HDAC4: variants seen among roughly 807,000 people sequenced by gnomAD.
HDAC4 encodes the protein histone deacetylase A.
Under a neutral mutation model 135.1 loss-of-function variants are expected in HDAC4, and 16 were observed. The ratio of observed to expected loss-of-function variants is 0.12; its 90% confidence interval spans 0.08 to 0.18. The LOEUF (loss-of-function observed/expected upper bound fraction) is 0.18, where lower values mean the gene tolerates loss of function less well. Among genes scored for constraint, HDAC4 ranks in the 10% least tolerant of loss-of-function variants. The pLI, the probability that HDAC4 is intolerant of heterozygous loss-of-function variation, is 1.00. For missense variants in HDAC4, 1,143 were observed against 1,511.8 expected (o/e 0.76, Z 4.05); for synonymous variants, 685 against 653.4 (o/e 1.05, Z -0.74).
At chr2:239,250,809 CACG>C (rs2048743321) in intron 2 of HDAC4, among the ~76,000 whole-genome samples, 1 of 152,188 alleles carries the variant, frequency 6.6e-6, no homozygotes, top group African/African-American at 2.4e-5. Flanking sequence ...AGCGAAGGGG[CACG>C]ACAGTGGACT....
intron 2 of HDAC4, among the ~76,000 whole-genome samples, chr2:239,315,106 C>G (rs924466602): frequency 3.9e-5 from 6 of 152,208 alleles, no homozygotes; most frequent in Non-Finnish European, 7.3e-5. Context: ...GATAATAACT[C>G]TTTCAACCAA....
chr2:239,227,399 A>C (rs2047302528), intron 3 of HDAC4, among the ~76,000 whole-genome samples: 2 of 152,152 alleles, frequency 1.3e-5, no homozygotes, highest in Admixed American at 1.3e-4. Flanking sequence ...GTGAGGTCAC[A>C]GGGGCTAAGC....
intron 2 of HDAC4, among the ~76,000 whole-genome samples, chr2:239,292,702 C>A (rs60605225): frequency 6.6e-6 from 1 of 151,950 alleles, no homozygotes; most frequent in East Asian, 1.9e-4. Context: ...GAGGCTGGGT[C>A]GAGAGGATAC....
rs2041239481 is a variant in HDAC4, at chr2:239,139,853, T to C, written c.866-57A>G. The C allele has an allele frequency of 1.3e-6, 2 of 1,485,968 alleles. No individual in the cohort carries two copies. Among genetic ancestry groups the C allele is most frequent in the African/African-American group, 2.8e-5 (2 of 72,432 alleles). 92.0% of individuals were successfully genotyped at this position (1,485,968 alleles called of 1,614,324 possible). A position where few individuals can be genotyped will look rare whatever the true frequency, so the allele number is the denominator to read the frequency against. ...ACTCCATGCGGAGGGAGGGCCGTGCTGACCTGTGGCCCGAATGCCCGGTGC... is the reference window on the plus strand; with the variant it reads ...ACTCCATGCGGAGGGAGGGCCGTGCCGACCTGTGGCCCGAATGCCCGGTGC... On this transcript the variant is annotated intron_variant, in intron 8 of 26. Transcript: ENST00000543185. The surrounding 1 kb of genome is among the most constrained non-coding windows in gnomAD (Gnocchi z 5.3).
chr2:239,217,734 T>A (rs979844463), intron 3 of HDAC4, among the ~76,000 whole-genome samples: 3 of 151,716 alleles, frequency 2.0e-5, no homozygotes, highest in Non-Finnish European at 4.4e-5. Flanking sequence ...CCAGACCAAA[T>A]AAAAGGTAAG....
intron 1 of HDAC4, among the ~76,000 whole-genome samples, chr2:239,387,600 C>G (rs139252482): frequency 1.4e-4 from 21 of 152,348 alleles, no homozygotes; most frequent in African/African-American, 5.0e-4. Flanking sequence ...CCTTGTGCCC[C>G]AGCTGACAGG....
rs1292428823 is a variant in HDAC4 at position 239,331,822 on chromosome 2, C to G, written c.22+20856G>C. Among the ~76,000 whole-genome samples, 1 of 152,138 alleles carries G rather than the reference C, an allele frequency of 6.6e-6. No individual in the cohort carries two copies. Among genetic ancestry groups the G allele is most frequent in the Non-Finnish European group, 1.5e-5 (1 of 68,030 alleles). On this transcript the variant is annotated intron_variant, in intron 2 of 26. Transcript: ENST00000543185. The surrounding 1 kb of genome is among the most constrained non-coding windows in gnomAD (Gnocchi z 4.5). ...AAGAGGGCACACTCGGCCCGCGTGT[C>G]CTCCAGAGGCTGAGGAGCGGAGCAG...
intron 22 of HDAC4, among the ~76,000 whole-genome samples, chr2:239,075,388 C>T (rs1436665384): frequency 6.6e-6 from 1 of 152,042 alleles, no homozygotes; most frequent in Non-Finnish European, 1.5e-5. Flanking sequence ...GGTGGGCTCG[C>T]AGTTTCCCAA....
intron 5 of HDAC4, among the ~76,000 whole-genome samples, chr2:239,174,512 G>A (rs1353375619): frequency 3.9e-5 from 6 of 152,232 alleles, no homozygotes; most frequent in African/African-American, 1.4e-4. Context: ...GTGTTGACAA[G>A]GACATGGAGC....
intron 1 of HDAC4, among the ~76,000 whole-genome samples, chr2:239,399,530 A>C (rs1696795514): frequency 6.6e-6 from 1 of 152,206 alleles, no homozygotes. Flanking sequence ...AACTCCAGGC[A>C]ACCACGATCA....
chr2:239,255,119 A>T (rs187019493), intron 2 of HDAC4, among the ~76,000 whole-genome samples: 1 of 152,264 alleles, frequency 6.6e-6, no homozygotes, highest in Non-Finnish European at 1.5e-5. Context: ...TGAACTAACA[A>T]GGGATTATGT....
chr2:239,189,728 A>C, intron 4 of HDAC4, 105 bp downstream of exon 4: 1 of 1,092,348 alleles, frequency 9.2e-7, no homozygotes, highest in African/African-American at 1.5e-5. Flanking sequence ...GGAACCCTGC[A>C]TCATGCCTGG....
chr2:239,304,479 A>G (rs2052459118), intron 2 of HDAC4, among the ~76,000 whole-genome samples: 1 of 152,206 alleles, frequency 6.6e-6, no homozygotes, highest in African/African-American at 2.4e-5. Flanking sequence ...CCATGAGGAT[A>G]GAGGCTATAA....
chr2:239,054,566 TA>T (rs1458957019), intron 25 of HDAC4, among the ~76,000 whole-genome samples, 182 bp downstream of exon 25: 2 of 152,108 alleles, frequency 1.3e-5, no homozygotes, highest in African/African-American at 2.4e-5. Flanking sequence ...CAGTCGGGGT[TA>T]AATGTGAGTC....
At chr2:239,144,496 TTC>T in intron 8 of HDAC4, 85 bp downstream of exon 8, 1 of 1,571,660 alleles carries the variant, frequency 6.4e-7, no homozygotes, top group Non-Finnish European at 8.7e-7. Flanking sequence ...CACGTGGGTT[TTC>T]AGAAGCTCCT....
chr2:239,288,011 T>C (rs1240162675), intron 2 of HDAC4, among the ~76,000 whole-genome samples: 1 of 151,528 alleles, frequency 6.6e-6, no homozygotes, highest in Middle Eastern at 3.2e-3. Flanking sequence ...GGTTAATTTT[T>C]ACAAACTTTC....
intron 3 of HDAC4, among the ~76,000 whole-genome samples, chr2:239,202,281 C>T (rs538747659): frequency 6.6e-6 from 1 of 152,296 alleles, no homozygotes; most frequent in Admixed American, 6.5e-5. Context: ...AGAGTAATCT[C>T]CACCCAGAAT....
At chr2:239,237,150 G>C (rs2047932288) in intron 2 of HDAC4, among the ~76,000 whole-genome samples, 1 of 152,162 alleles carries the variant, frequency 6.6e-6, no homozygotes, top group African/African-American at 2.4e-5. Flanking sequence ...AAATAGGCAT[G>C]GAGGAGAACG....
chr2:239,287,570 AG>A (rs2051208156), intron 2 of HDAC4, among the ~76,000 whole-genome samples: 1 of 152,226 alleles, frequency 6.6e-6, no homozygotes, highest in African/African-American at 2.4e-5. Context: ...TTATAACAGA[AG>A]GAAGGCTAAG....
Sources: allele counts gnomAD v4.1 joint callset (sites outside exome capture counted in the v4.1 genomes callset), GRCh38; gene constraint gnomAD v4.1.1; non-coding constraint Gnocchi (gnomAD v3.1); transcripts MANE v1.5; gene names NCBI Gene and HGNC (gene_info 2026-07-23, HGNC 2026-07-21).